ZNF608: variants seen among roughly 807,000 people sequenced by gnomAD.
ZNF608 encodes the protein renal carcinoma antigen NY-REN-36.
Under a neutral mutation model 109.0 loss-of-function variants are expected in ZNF608, and 12 were observed. The ratio of observed to expected loss-of-function variants is 0.11; its 90% CI spans 0.07 to 0.18. The LOEUF (loss-of-function observed/expected upper bound fraction) is 0.18. ZNF608 is among the 10% of genes least tolerant of loss of function. The pLI is 1.00. For synonymous variants in ZNF608, 732 were observed against 717.4 expected (o/e 1.02, Z -0.33); for missense variants, 1,707 against 1,879.3 (o/e 0.91, Z 1.70).
chr5:124,729,868 T>C (rs1164366807), intron 2 of ZNF608, among the ~76,000 whole-genome samples: 1 of 152,150 alleles, frequency 6.6e-6, no homozygotes, highest in Non-Finnish European at 1.5e-5. Flanking sequence ...AGAAAGTAAA[T>C]GCTATGCTCA....
At chr5:124,673,973 G>A (rs1751834897) in intron 3 of ZNF608, among the ~76,000 whole-genome samples, 1 of 152,078 alleles carries the variant, frequency 6.6e-6, no homozygotes, top group Non-Finnish European at 1.5e-5. Context: ...TACTTGCAAA[G>A]CAAGTTTCTC....
intron 3 of ZNF608, among the ~76,000 whole-genome samples, chr5:124,685,571 C>G (rs141824139): frequency 1.3e-5 from 2 of 151,884 alleles, no homozygotes; most frequent in East Asian, 3.9e-4. Context: ...TAGTGTAAAG[C>G]CTGACTCTCC....
intron 3 of ZNF608, among the ~76,000 whole-genome samples, chr5:124,696,224 A>G (rs1752845649): frequency 6.6e-6 from 1 of 151,970 alleles, no homozygotes; most frequent in Non-Finnish European, 1.5e-5. Flanking sequence ...AGAGAGAATC[A>G]TTTCTTTCTC....
chr5:124,708,525 T>C (rs138043054), intron 2 of ZNF608, among the ~76,000 whole-genome samples: 141 of 152,350 alleles, frequency 9.3e-4, no homozygotes, highest in African/African-American at 3.2e-3. Flanking sequence ...TTATTACCCA[T>C]AGTTCAGAAT....
rs1420366012 is a variant in ZNF608 at position 124,647,685 on chromosome 5, C to T, written c.2699G>A (p.Ser900Asn). The change falls in exon 5 of 10, where the codon AGC becomes AAC. Residue 900 changes from serine to asparagine, a missense_variant. Around this residue, in one of 7 missense-constraint regions of ZNF608, gnomAD observed 1,073 missense variants for 1,133.5 expected, o/e 0.95. Coordinates refer to ENST00000513986, the MANE Select transcript of ZNF608 (RefSeq NM_020747.3). ...TDNAPSPSIG[S>N]ASRLECSTLV... Reference sequence around the variant, plus strand: ...AGTGCTGCATTCCAGCCTCGAGGCGCTCCCTATGGAAGGGCTGGGAGCGTT... The same window carrying T: ...AGTGCTGCATTCCAGCCTCGAGGCGTTCCCTATGGAAGGGCTGGGAGCGTT... 1 of 1,614,218 alleles carries T rather than the reference C, an allele frequency of 6.2e-7. No individual in the cohort carries two copies. Among genetic ancestry groups the T allele is most frequent in the South Asian group, 1.1e-5 (1 of 91,074 alleles).
rs373865296 is a variant in ZNF608, at chr5:124,648,228, T to G, written c.2156A>C (p.Lys719Thr). 3.1e-6 allele frequency: 5 copies of G among 1,614,060 alleles called. No individual in the cohort carries two copies. The highest frequency in any genetic ancestry group is 4.2e-6 in the Non-Finnish European group (5 of 1,180,040). The change falls in exon 5 of 10, where the codon AAA becomes ACA. Residue 719 changes from lysine (K) to threonine (T), a missense_variant. Lys to Thr is a moderately conservative substitution (Grantham distance 78). This residue lies in a region of ZNF608 where 1,073 missense variants were observed against 1,133.5 expected (regional missense o/e 0.95). Coordinates refer to ENST00000513986, the MANE Select transcript of ZNF608 (RefSeq NM_020747.3). ...TTTGTCCGTTTTGCAGTTGGTAGCT[T>G]TTTTGCCCTTTTCTTTATCTCCTAA... ...KNLGDKEKGK[K>T]ATNCKTDKNL...
chr5:124,668,281 G>T (rs1359092465), intron 3 of ZNF608, among the ~76,000 whole-genome samples: 2 of 147,060 alleles, frequency 1.4e-5, no homozygotes, highest in South Asian at 2.1e-4. Context: ...TGCACCTATA[G>T]TTCCAGCTAC....
chr5:124,672,189 G>C (rs1033932565), intron 3 of ZNF608, among the ~76,000 whole-genome samples: 1 of 152,116 alleles, frequency 6.6e-6, no homozygotes, highest in African/African-American at 2.4e-5. Flanking sequence ...GTCTGTGTCA[G>C]TGATTTCCAA....
At chr5:124,661,348 G>A (rs1580566148) in intron 3 of ZNF608, among the ~76,000 whole-genome samples, 2 of 152,286 alleles carry the variant, frequency 1.3e-5, no homozygotes, top group African/African-American at 4.8e-5. Context: ...TGGGGATGCA[G>A]ATGGACAGAG....
At chr5:124,719,587 A>G (rs1245367918) in intron 2 of ZNF608, among the ~76,000 whole-genome samples, 5 of 152,228 alleles carry the variant, frequency 3.3e-5, no homozygotes, top group Admixed American at 3.3e-4. Context: ...GCTTCTCAGT[A>G]GTTAAGCTAT....
chr5:124,739,167 T>G (rs1580722129), intron 2 of ZNF608, among the ~76,000 whole-genome samples: 1 of 152,170 alleles, frequency 6.6e-6, no homozygotes, highest in South Asian at 2.1e-4. Flanking sequence ...CACTCAGAGA[T>G]AATGTCATTT....
chr5:124,666,735 G>C (rs1247873889), intron 3 of ZNF608, among the ~76,000 whole-genome samples: 1 of 151,534 alleles, frequency 6.6e-6, no homozygotes, highest in Non-Finnish European at 1.5e-5. Flanking sequence ...GTGTGTGTGT[G>C]TGTGTGTGTG....
At position 124,661,632 on chromosome 5, in the gene ZNF608, T is replaced by TG. The variant is rs574216233; in HGVS notation, c.1163-11936dup. Among the ~76,000 whole-genome samples, 258 of 152,338 alleles carry TG rather than the reference T, an allele frequency of 1.7e-3. 1 individual carries two copies. The highest frequency in any genetic ancestry group is 5.7e-3 in the African/African-American group (237 of 41,574). ...TAAAAGGGCCTTTGTTAGCACTTAC[T>TG]GGAGCAAAGTCGTCATTTTGCTGGA... On this transcript the variant is annotated intron_variant, in intron 3 of 9. Coordinates refer to ENST00000513986, the MANE Select transcript of ZNF608 (RefSeq NM_020747.3).
chr5:124,735,767 G>A (rs542788725), intron 2 of ZNF608, among the ~76,000 whole-genome samples: 3 of 152,356 alleles, frequency 2.0e-5, no homozygotes, highest in Admixed American at 6.5e-5. Context: ...ACCAAATGGA[G>A]TTGGATGCGG....
At chr5:124,671,644 T>C (rs1751727617) in intron 3 of ZNF608, among the ~76,000 whole-genome samples, 1 of 147,592 alleles carries the variant, frequency 6.8e-6, no homozygotes, top group Admixed American at 6.7e-5. Context: ...GGCTTCTCTT[T>C]TTTTTTTTTT....
At chr5:124,669,694 G>A (rs551578841) in intron 3 of ZNF608, among the ~76,000 whole-genome samples, 2 of 150,418 alleles carry the variant, frequency 1.3e-5, no homozygotes, top group African/African-American at 4.9e-5. Context: ...CACTCCTGGA[G>A]GATGGTATAG....
At chr5:124,638,998 C>A in intron 9 of ZNF608, 135 bp downstream of exon 9, 2 of 890,926 alleles carry the variant, frequency 2.2e-6, no homozygotes. Flanking sequence ...CTTATATTGG[C>A]ATAATAAACA....
chr5:124,653,254 T>C (rs915254076), intron 3 of ZNF608, among the ~76,000 whole-genome samples: 18 of 152,220 alleles, frequency 1.2e-4, no homozygotes, highest in African/African-American at 3.6e-4. Flanking sequence ...CTACAGAACA[T>C]TTAATAAGAA....
chr5:124,639,033 C>T lies in ZNF608; in HGVS notation c.4532+100G>A, dbSNP rs1351628646. 8 of 1,154,256 alleles carry T rather than the reference C, an allele frequency of 6.9e-6. No homozygotes were observed. The African/African-American group carries it at 1.1e-4, about 16-fold the overall frequency. 71.5% of individuals were successfully genotyped at this position (1,154,256 alleles called of 1,614,324 possible). A position where few individuals can be genotyped will look rare whatever the true frequency, so the allele number is the denominator to read the frequency against. ...ACATTCATTACAATGATATAAAACCCAAGGAGTTAAGTTTTTGGTCTAAAA... is the reference window on the plus strand; with the variant it reads ...ACATTCATTACAATGATATAAAACCTAAGGAGTTAAGTTTTTGGTCTAAAA... On this transcript the variant is annotated intron_variant, in intron 9 of 9. Transcript: ENST00000513986.
Sources: allele counts gnomAD v4.1 joint callset (sites outside exome capture counted in the v4.1 genomes callset), GRCh38; gene constraint gnomAD v4.1.1; regional missense constraint gnomAD v4.1.1; transcripts MANE v1.5; gene names NCBI Gene and HGNC (gene_info 2026-07-23, HGNC 2026-07-21).